Variants in ARHGEF7 observed in about 807,000 individuals in gnomAD.
ARHGEF7 encodes the protein Rho guanine nucleotide exchange factor 7.
ARHGEF7 carries 33 observed loss-of-function variants against 109.8 expected under a neutral mutation model. That is an observed-to-expected ratio of 0.30 (90% CI 0.23 to 0.40). ARHGEF7 has a LOEUF of 0.40. ARHGEF7 is among the 10% of genes least tolerant of loss of function. ARHGEF7 has a pLI of 1.00. For synonymous variants in ARHGEF7, 458 were observed against 424.6 expected, an observed-to-expected ratio of 1.08 and a Z score of -0.97; for missense variants, 938 against 1,098.5, an observed-to-expected ratio of 0.85 and a Z score of 2.07.
At chr13:111,270,572 C>T (rs976741541) in intron 9 of ARHGEF7, among the ~76,000 whole-genome samples, 1 of 151,984 alleles carries the variant, frequency 6.6e-6, no homozygotes, top group African/African-American at 2.4e-5. Flanking sequence ...ACTTTTTTGG[C>T]TTCTGGGCTT....
chr13:111,137,161 G>C (rs1025285745), intron 1 of ARHGEF7, among the ~76,000 whole-genome samples: 8 of 152,230 alleles, frequency 5.3e-5, no homozygotes, highest in African/African-American at 1.9e-4. Flanking sequence ...AATTCTACCA[G>C]AGGTACAAGG....
chr13:111,180,408 T>A (rs1017860249), intron 2 of ARHGEF7, among the ~76,000 whole-genome samples: 1 of 152,152 alleles, frequency 6.6e-6, no homozygotes, highest in Non-Finnish European at 1.5e-5. Context: ...AAGGAACACA[T>A]ACAGATAGGA....
intron 1 of ARHGEF7, 35 bp downstream of exon 1, chr13:111,115,726 C>CG (rs2066687801): frequency 9.0e-7 from 1 of 1,106,146 alleles, no homozygotes; most frequent in Non-Finnish European, 1.1e-6. Flanking sequence ...CCGCGCCCCC[C>CG]GGTCCGGCCC....
chr13:111,270,870 A>G (rs1003323002), intron 9 of ARHGEF7, among the ~76,000 whole-genome samples: 1 of 152,224 alleles, frequency 6.6e-6, no homozygotes, highest in Non-Finnish European at 1.5e-5. Context: ...TGAAGCCCTC[A>G]TGTCACTCTA....
rs566891399 is a variant in ARHGEF7 at position 111,173,603 on chromosome 13, G to A, written c.252+19612G>A. Among the ~76,000 whole-genome samples the A allele has an allele frequency of 1.4e-4, 22 of 152,304 alleles. No individual in the cohort carries two copies. The South Asian group carries it at 3.5e-3, about 24-fold the overall frequency. On this transcript the variant is annotated intron_variant, in intron 2 of 21. Coordinates refer to ENST00000646102, the MANE Select transcript of ARHGEF7 (RefSeq NM_001354046.2). ...TGGAAGCCTGTGAAATTTCATCCAC[G>A]GATTGCTTTCCCAGGAGGTTGGCAA...
In ARHGEF7 at chr13:111,255,849, G is replaced by A. The variant is rs1274636068; in HGVS notation, c.950+11555G>A. 2.0e-5 allele frequency among the ~76,000 whole-genome samples: 3 copies of A among 152,142 alleles called. No individual in the cohort carries two copies. Among genetic ancestry groups the A allele is most frequent in the Non-Finnish European group, 2.9e-5 (2 of 68,030 alleles). On this transcript the variant is annotated intron_variant, in intron 8 of 21. Transcript: ENST00000646102. The surrounding 1 kb of genome is among the most constrained non-coding windows in gnomAD (Gnocchi z 4.1). ...CATGGTGCTTTCTTTTCAGTGCTGC[G>A]TTTCTCTTGGCTCTGTCGTTTGGGG...
intron 19 of ARHGEF7, among the ~76,000 whole-genome samples, chr13:111,297,286 T>C (rs2093448807): frequency 1.3e-5 from 2 of 152,246 alleles, no homozygotes; most frequent in Admixed American, 1.3e-4. Flanking sequence ...ACAAGCTTCC[T>C]AGTTCGCCAT....
At chr13:111,179,031 C>T (rs2078456806) in intron 2 of ARHGEF7, among the ~76,000 whole-genome samples, 1 of 150,888 alleles carries the variant, frequency 6.6e-6, no homozygotes, top group Non-Finnish European at 1.5e-5. Context: ...CGGTGAACAT[C>T]CGTGTGCCCT....
At chr13:111,199,432 G>A (rs1040369018) in intron 2 of ARHGEF7, among the ~76,000 whole-genome samples, 7 of 152,132 alleles carry the variant, frequency 4.6e-5, no homozygotes, top group Admixed American at 3.9e-4. Flanking sequence ...GCTAGTAGTC[G>A]TCCTCTGGTC....
intron 6 of ARHGEF7, among the ~76,000 whole-genome samples, chr13:111,238,834 A>C (rs768205351): frequency 6.6e-6 from 1 of 152,092 alleles, no homozygotes; most frequent in Non-Finnish European, 1.5e-5. Context: ...GCTCAGCGAT[A>C]TACACTATGG....
At chr13:111,276,087 GT>G (rs1238280901) in intron 12 of ARHGEF7, 1 of 198,018 alleles carries the variant, frequency 5.1e-6, no homozygotes, top group Non-Finnish European at 1.1e-5. Flanking sequence ...TCCTGTGAAA[GT>G]ATGCTAGCTG....
At chr13:111,133,509 C>G (rs1368421759) in intron 1 of ARHGEF7, among the ~76,000 whole-genome samples, 1 of 151,698 alleles carries the variant, frequency 6.6e-6, no homozygotes, top group African/African-American at 2.4e-5. Context: ...CTGCTCAACA[C>G]GAACTTTTGT....
At chr13:111,139,595 T>TGGAGCACTGGCGGGTGCCTGC (rs1566615205) in intron 1 of ARHGEF7, among the ~76,000 whole-genome samples, 129 of 123,238 alleles carry the variant, frequency 1.0e-3, no homozygotes, top group African/African-American at 2.5e-3. Flanking sequence ...CGGGTGCCTG[T>TGGAGCACTGGCGGGTGCCTGC]GTGGAGCACT....
intron 4 of ARHGEF7, among the ~76,000 whole-genome samples, chr13:111,216,656 T>G (rs1399764969): frequency 1.3e-5 from 2 of 152,138 alleles, no homozygotes; most frequent in African/African-American, 2.4e-5. Context: ...GCTCTGAACG[T>G]TCTGTGCAGT....
chr13:111,186,746 C>T lies in ARHGEF7; in HGVS notation c.253-18543C>T, dbSNP rs558938797. On this transcript the variant is annotated intron_variant, in intron 2 of 21. Coordinates refer to ENST00000646102, the MANE Select transcript of ARHGEF7 (RefSeq NM_001354046.2). ...GTGTCAAGAATAACTTTCTCAAGTT[C>T]CTGGAGGAGGCGAGCTGACTGGTGG... The T allele has an allele frequency of 2.8e-5, 25 of 898,400 alleles. No individual in the cohort carries two copies. The South Asian group carries it at 9.2e-4, about 33-fold the overall frequency. The allele number at this position is 898,400 out of a possible 1,614,324, so 55.7% of individuals were successfully genotyped here.
chr13:111,234,669 T>C (rs1217543922), intron 6 of ARHGEF7, among the ~76,000 whole-genome samples: 2 of 152,246 alleles, frequency 1.3e-5, no homozygotes, highest in Non-Finnish European at 2.9e-5. Flanking sequence ...TTCCTTGTAT[T>C]TGGTCAACTC....
intron 19 of ARHGEF7, among the ~76,000 whole-genome samples, chr13:111,298,426 T>C (rs2093473697): frequency 6.6e-6 from 1 of 152,124 alleles, no homozygotes; most frequent in African/African-American, 2.4e-5. Flanking sequence ...TCAGCAGCAT[T>C]ACCCGTTAGC....
At chr13:111,121,734 C>T (rs1427255104) in intron 1 of ARHGEF7, among the ~76,000 whole-genome samples, 1 of 152,198 alleles carries the variant, frequency 6.6e-6, no homozygotes, top group Non-Finnish European at 1.5e-5. Context: ...ACTGGGAGAC[C>T]CGGTCCTCTG....
At chr13:111,199,287 C>T (rs111482885) in intron 2 of ARHGEF7, among the ~76,000 whole-genome samples, 10 of 152,328 alleles carry the variant, frequency 6.6e-5, no homozygotes, top group South Asian at 6.2e-4. Context: ...GAAGTTGGAA[C>T]ATAGTGTACT....
Sources: gnomAD v4.1 joint callset for allele counts (sites outside exome capture counted in the v4.1 genomes callset) on GRCh38, gnomAD v4.1.1 for gene constraint, Gnocchi (gnomAD v3.1) non-coding constraint, MANE v1.5 for transcripts, NCBI Gene and HGNC (gene_info 2026-07-23, HGNC 2026-07-21) for gene names.